DAAM2: variants seen among roughly 807,000 people sequenced by gnomAD.
The protein encoded by DAAM2 is disheveled-associated activator of morphogenesis 2.
A neutral mutation model predicts 120.7 loss-of-function variants in DAAM2; 39 were observed. That is an observed-to-expected ratio of 0.32 (90% CI 0.25 to 0.42). The LOEUF is 0.42. DAAM2 is among the 10% of genes least tolerant of loss of function. The probability of loss-of-function intolerance (pLI) is 1.00; values close to 1 mark genes in which losing one functional copy is unlikely to be tolerated. For synonymous variants in DAAM2, 488 were observed against 524.9 expected, an observed-to-expected ratio of 0.93 and a Z score of 0.96; for missense variants, 1,283 against 1,401.7, an observed-to-expected ratio of 0.92 and a Z score of 1.35.
chr6:39,835,975 G>T (rs1763086468), intron 1 of DAAM2, among the ~76,000 whole-genome samples: 1 of 152,176 alleles, frequency 6.6e-6, no homozygotes, highest in African/African-American at 2.4e-5. Flanking sequence ...GGGCAGGGTT[G>T]GGGGTGGGGT....
chr6:39,798,480 A>G (rs960326835), intron 1 of DAAM2, among the ~76,000 whole-genome samples: 1 of 152,198 alleles, frequency 6.6e-6, no homozygotes, highest in Non-Finnish European at 1.5e-5. Flanking sequence ...ATGAAGTAGG[A>G]AAAAATAGGC....
chr6:39,820,480 A>G (rs555875931), intron 1 of DAAM2: 6 of 152,276 alleles, frequency 3.9e-5, no homozygotes, highest in African/African-American at 1.4e-4. Flanking sequence ...CCTTCCTCTT[A>G]GAGCTTCCAC....
In DAAM2 at chr6:39,896,875, T is replaced by C. The variant is rs1244624685; in HGVS notation, c.2405T>C (p.Ile802Thr). ...CGTCTTAGACAGATGCTAGAGGTCATCCTAGCCATAGGCAACTTCATGAAC... is the reference window on the plus strand; with the variant it reads ...CGTCTTAGACAGATGCTAGAGGTCACCCTAGCCATAGGCAACTTCATGAAC... ...SKRLRQMLEV[I>T]LAIGNFMNKG... Residue 802 changes from isoleucine (I) to threonine (T), a missense_variant, in exon 20 of 25, where the codon ATC becomes ACC. Physicochemically the swap from Ile to Thr is moderately conservative, Grantham distance 89. This residue lies in a region of DAAM2 where 748 missense variants were observed against 768.6 expected (regional missense o/e 0.97). Coordinates refer to ENST00000274867, the MANE Select transcript of DAAM2 (RefSeq NM_001201427.2). 1 of 1,613,508 alleles carries C rather than the reference T, an allele frequency of 6.2e-7. No homozygotes were observed. The highest frequency in any genetic ancestry group is 8.5e-7 in the Non-Finnish European group (1 of 1,179,746).
intron 13 of DAAM2, among the ~76,000 whole-genome samples, 174 bp from the exon 14 acceptor site, chr6:39,879,004 G>A (rs1198550827): frequency 6.6e-6 from 1 of 152,126 alleles, no homozygotes. Context: ...GTGTTTGCGT[G>A]TGTTAGATGT....
chr6:39,808,626 C>T (rs879269980), intron 1 of DAAM2, among the ~76,000 whole-genome samples: 3 of 152,238 alleles, frequency 2.0e-5, no homozygotes, highest in Non-Finnish European at 4.4e-5. Flanking sequence ...TCAGCTCTTT[C>T]ATGTCCCTTA....
At chr6:39,804,522 CTGTGTGTG>C (rs10688621) in intron 1 of DAAM2, among the ~76,000 whole-genome samples, 5 of 149,344 alleles carry the variant, frequency 3.3e-5, no homozygotes, top group Non-Finnish European at 7.4e-5. Flanking sequence ...GAGATCAGTT[CTGTGTGTG>C]TGTGTGTGTG....
At position 39,878,287 on chromosome 6, in the gene DAAM2, G is replaced by A. The variant is rs1562047162; in HGVS notation, c.1360+26G>A. 1 of 1,613,632 alleles carries A rather than the reference G, an allele frequency of 6.2e-7. No homozygotes were observed. Among genetic ancestry groups the A allele is most frequent in the Non-Finnish European group, 8.5e-7 (1 of 1,179,698 alleles). On this transcript the variant is annotated intron_variant, in intron 12 of 24. Transcript: ENST00000274867. The surrounding 1 kb of genome is among the most constrained non-coding windows in gnomAD (Gnocchi z 5.0). Reference sequence around the variant, plus strand: ...GTGAGGGGCTCTGCTTAAGCCTGCTGTCCACTCCACATGCCCTTCCCCTGC... The same window carrying A: ...GTGAGGGGCTCTGCTTAAGCCTGCTATCCACTCCACATGCCCTTCCCCTGC...
chr6:39,882,085 G>C (rs1372019278), intron 14 of DAAM2: 1 of 152,174 alleles, frequency 6.6e-6, no homozygotes, highest in Non-Finnish European at 1.5e-5. Flanking sequence ...GCATGTGAAG[G>C]ATATCTCCAG....
chr6:39,881,139 A>G (rs1765097028), intron 14 of DAAM2, among the ~76,000 whole-genome samples: 1 of 152,250 alleles, frequency 6.6e-6, no homozygotes, highest in Non-Finnish European at 1.5e-5. Flanking sequence ...CATCATATGA[A>G]GCTGTGTGCT....
chr6:39,865,081 C>T lies in DAAM2; in HGVS notation c.428+7C>T, dbSNP rs766326331. 11 of 1,483,086 alleles carry T rather than the reference C, an allele frequency of 7.4e-6. No individual in the cohort carries two copies. 91.9% of individuals were successfully genotyped at this position (1,483,086 alleles called of 1,614,324 possible). A position where few individuals can be genotyped will look rare whatever the true frequency, so the allele number is the denominator to read the frequency against. ...TCCGGACACAGCCTATGAGGTAATTCAGTTTCCCCCTCTTGCTTCCTGCTG... is the reference window on the plus strand; with the variant it reads ...TCCGGACACAGCCTATGAGGTAATTTAGTTTCCCCCTCTTGCTTCCTGCTG... On this transcript the variant is annotated splice_region_variant and intron_variant, in intron 5 of 24. Coordinates refer to ENST00000274867, the MANE Select transcript of DAAM2 (RefSeq NM_001201427.2).
chr6:39,896,997 C>G lies in DAAM2; in HGVS notation c.2510+17C>G. 6.3e-7 allele frequency: 1 copy of G among 1,594,828 alleles called. No individual in the cohort carries two copies. ...CATCGACAGGTGAGGACCTCCCTTC[C>G]CGGCCACTTCCTTGGCCTCTATCTC... is the stretch of plus-strand genomic sequence containing the variant. On this transcript the variant is annotated intron_variant, in intron 20 of 24. Coordinates refer to ENST00000274867, the MANE Select transcript of DAAM2 (RefSeq NM_001201427.2).
In DAAM2 at chr6:39,856,430, C is replaced by T. The variant is rs772573007; in HGVS notation, c.128C>T (p.Pro43Leu). The T allele has an allele frequency of 1.6e-5, 24 of 1,506,526 alleles. No homozygotes were observed. The highest frequency in any genetic ancestry group is 8.5e-5 in the African/African-American group (6 of 70,278). 93.3% of individuals were successfully genotyped at this position (1,506,526 alleles called of 1,614,324 possible). A position where few individuals can be genotyped will look rare whatever the true frequency, so the allele number is the denominator to read the frequency against. Reference sequence around the variant, plus strand: ...TTCATGGAGTTCTCCAGCCCCATCCCGAACGCAGAGGAGCTCAACATCCGC... The same window carrying T: ...TTCATGGAGTTCTCCAGCCCCATCCTGAACGCAGAGGAGCTCAACATCCGC... ...LQFMEFSSPI[P>L]NAEELNIRFA... Residue 43 changes from proline to leucine, a missense_variant, in exon 2 of 25, where the codon CCG becomes CTG. By Grantham distance (98) the Pro-to-Leu change is moderately conservative. Coordinates refer to ENST00000274867, the MANE Select transcript of DAAM2 (RefSeq NM_001201427.2).
chr6:39,838,778 C>T (rs910033490), intron 1 of DAAM2, among the ~76,000 whole-genome samples: 12 of 152,268 alleles, frequency 7.9e-5, no homozygotes, highest in African/African-American at 2.9e-4. Flanking sequence ...CCTGTCTCTG[C>T]CTCCTGAGTA....
chr6:39,896,018 T>C (rs28735942), intron 19 of DAAM2, among the ~76,000 whole-genome samples: 1 of 152,050 alleles, frequency 6.6e-6, no homozygotes, highest in Admixed American at 6.5e-5. Flanking sequence ...TATTATAATT[T>C]AGAATATGTT....
intron 1 of DAAM2, among the ~76,000 whole-genome samples, chr6:39,826,741 T>C (rs977372564): frequency 6.6e-6 from 1 of 152,172 alleles, no homozygotes; most frequent in Non-Finnish European, 1.5e-5. Context: ...AAAAGCATAC[T>C]AATGGTAGGC....
At chr6:39,897,306 C>A in intron 21 of DAAM2, 24 bp downstream of exon 21, 1 of 1,436,690 alleles carries the variant, frequency 7.0e-7, no homozygotes, top group Non-Finnish European at 9.8e-7. Flanking sequence ...CCAAGACTTC[C>A]TTCTCCCCAT....
chr6:39,881,241 T>A (rs1352384959), intron 14 of DAAM2, among the ~76,000 whole-genome samples: 1 of 39,728 alleles, frequency 2.5e-5, no homozygotes, highest in Non-Finnish European at 6.8e-5. Flanking sequence ...GACTGGAGAG[T>A]GTGGGTTTGT....
chr6:39,816,834 A>G (rs1447619650), intron 1 of DAAM2, among the ~76,000 whole-genome samples: 1 of 152,234 alleles, frequency 6.6e-6, no homozygotes, highest in East Asian at 1.9e-4. Flanking sequence ...GTCTGTTTCC[A>G]GTACCGTCTC....
chr6:39,887,790 C>T, intron 16 of DAAM2, 198 bp downstream of exon 16: 1 of 535,420 alleles, frequency 1.9e-6, no homozygotes, highest in African/African-American at 1.9e-5. Flanking sequence ...AGTCACGAGG[C>T]CCTTGCCCAG....
Sources: gnomAD v4.1 joint callset for allele counts (sites outside exome capture counted in the v4.1 genomes callset) on GRCh38, gnomAD v4.1.1 for gene constraint, gnomAD v4.1.1 regional missense constraint, Gnocchi (gnomAD v3.1) non-coding constraint, MANE v1.5 for transcripts, NCBI Gene and HGNC (gene_info 2026-07-23, HGNC 2026-07-21) for gene names.